The following TLR6 variants were observed in gnomAD, a reference collection of about 807,000 sequenced individuals.
TLR6 encodes toll-like receptor 6.
A neutral mutation model predicts 16.1 loss-of-function variants in TLR6; 9 were observed. The ratio of observed to expected loss-of-function variants is 0.56; its 90% CI spans 0.34 to 0.98. The LOEUF (loss-of-function observed/expected upper bound fraction) is 0.98. Among genes scored for constraint, TLR6 ranks in the 50% least tolerant of loss-of-function variants. The probability of loss-of-function intolerance (pLI) is 0.02; values close to 1 mark genes in which losing one functional copy is unlikely to be tolerated. For missense variants in TLR6, 786 were observed against 921.0 expected (o/e 0.85, Z 1.90); for synonymous variants, 340 against 338.6 (o/e 1.00, Z -0.04).
intron 1 of TLR6, among the ~76,000 whole-genome samples, chr4:38,841,381 T>G (rs945207685): frequency 6.6e-6 from 1 of 152,138 alleles, no homozygotes; most frequent in Non-Finnish European, 1.5e-5. Flanking sequence ...GCTTGAGCTC[T>G]GGGGTTTGAG....
intron 1 of TLR6, among the ~76,000 whole-genome samples, chr4:38,841,775 G>A (rs549641797): frequency 1.3e-5 from 2 of 152,252 alleles, no homozygotes; most frequent in South Asian, 2.1e-4. Context: ...CAGCAGTTAC[G>A]TAAGCCATTT....
chr4:38,836,939 C>CAAA (rs61331167), intron 1 of TLR6, among the ~76,000 whole-genome samples: 2 of 92,614 alleles, frequency 2.2e-5, no homozygotes, highest in South Asian at 3.2e-4. Flanking sequence ...GACTCAGTCT[C>CAAA]AAAAAAAAAA....
At chr4:38,864,608 A>C in the TLR6 span, among the ~76,000 whole-genome samples, 1 of 152,258 alleles carries the variant, frequency 6.6e-6, no homozygotes, top group African/African-American at 2.4e-5. Flanking sequence ...ATTCTCAAAA[A>C]TATAATGCAA....
At chr4:38,854,789 G>A (rs1314024981) in intron 1 of TLR6, among the ~76,000 whole-genome samples, 1 of 152,124 alleles carries the variant, frequency 6.6e-6, no homozygotes, top group Non-Finnish European at 1.5e-5. Context: ...GGATACTCAT[G>A]ACATAATGAA....
At chr4:38,863,820 C>A in the TLR6 span, among the ~76,000 whole-genome samples, 1 of 152,188 alleles carries the variant, frequency 6.6e-6, no homozygotes, top group Non-Finnish European at 1.5e-5. Flanking sequence ...TCCCCTCCCA[C>A]CTTCACCCAA....
chr4:38,845,556 C>T (rs1712488970), intron 1 of TLR6, among the ~76,000 whole-genome samples: 1 of 152,168 alleles, frequency 6.6e-6, no homozygotes, highest in South Asian at 2.1e-4. Flanking sequence ...TCCTTGCTGG[C>T]CCTGAAGATA....
At chr4:38,858,983 G>T (rs746487312), upstream of TLR6, among the ~76,000 whole-genome samples, 1 of 152,204 alleles carries the variant, frequency 6.6e-6, no homozygotes, top group Admixed American at 6.5e-5. Flanking sequence ...CATTTACACA[G>T]GTTATCTTCT....
chr4:38,838,941 G>A (rs1408032983), intron 1 of TLR6, among the ~76,000 whole-genome samples: 16 of 131,582 alleles, frequency 1.2e-4, no homozygotes, highest in Admixed American at 1.1e-3. Flanking sequence ...AGGAAGGAAG[G>A]AAGGGAGGAA....
At chr4:38,842,025 T>G (rs1478188538) in intron 1 of TLR6, among the ~76,000 whole-genome samples, 1 of 152,184 alleles carries the variant, frequency 6.6e-6, no homozygotes, top group Non-Finnish European at 1.5e-5. Context: ...ATTTTCAGGA[T>G]TTTGATCTTC....
chr4:38,862,695 A>G, the TLR6 span, among the ~76,000 whole-genome samples: 50 of 145,770 alleles, frequency 3.4e-4, no homozygotes, highest in Admixed American at 2.3e-3. Context: ...TCCCAGGTTC[A>G]AGCAATTCTC....
chr4:38,840,837 A>G (rs1712224412), intron 1 of TLR6, among the ~76,000 whole-genome samples: 1 of 152,218 alleles, frequency 6.6e-6, no homozygotes, highest in African/African-American at 2.4e-5. Context: ...GCAGAGAAGC[A>G]TTTCCAAACA....
chr4:38,862,860 G>C, the TLR6 span, among the ~76,000 whole-genome samples: 1 of 143,948 alleles, frequency 6.9e-6, no homozygotes, highest in South Asian at 2.2e-4. Flanking sequence ...CTCCCAAAGT[G>C]CTAGGATTAC....
intron 1 of TLR6, among the ~76,000 whole-genome samples, chr4:38,855,458 T>G (rs2087465): frequency 0.24 from 36,891 of 152,102 alleles, 5,004 homozygotes; most frequent in Non-Finnish European, 0.28. Context: ...CGTAAGGCAA[T>G]TTAAGAGTTG....
chr4:38,853,384 A>AT (rs1289651769), intron 1 of TLR6, among the ~76,000 whole-genome samples: 3 of 150,532 alleles, frequency 2.0e-5, no homozygotes, highest in Non-Finnish European at 3.0e-5. Flanking sequence ...TATAATAATA[A>AT]AAAAAAAAGA....
chr4:38,825,840 G>T (rs532119686), exon 2 of TLR6: 1 of 152,516 alleles, frequency 6.6e-6, no homozygotes, highest in South Asian at 2.1e-4. Context: ...GGGAGGGCAG[G>T]TTGCTATCAG....
At chr4:38,837,734 G>T (rs1247840966) in intron 1 of TLR6, among the ~76,000 whole-genome samples, 1 of 152,082 alleles carries the variant, frequency 6.6e-6, no homozygotes, top group Non-Finnish European at 1.5e-5. Flanking sequence ...ATGAAAATAT[G>T]AATAGACAAA....
At chr4:38,829,033 T>C (rs1439669542) in exon 2 of TLR6, 2 of 1,614,164 alleles carry the variant, frequency 1.2e-6, no homozygotes, top group East Asian at 2.2e-5. Context: ...AGAAATTCAG[T>C]TGTGATAAGT....
chr4:38,825,899 C>T (rs5743828), exon 2 of TLR6: 30,831 of 152,452 alleles, frequency 0.2, 3,994 homozygotes, highest in Non-Finnish European at 0.28. Flanking sequence ...GCCAACCTTT[C>T]ACCTCCTGAA....
intron 1 of TLR6, among the ~76,000 whole-genome samples, chr4:38,832,289 A>C (rs1711648628): frequency 6.6e-6 from 1 of 152,188 alleles, no homozygotes; most frequent in Non-Finnish European, 1.5e-5. Flanking sequence ...CTAAGAGAGA[A>C]CACTGGAATT....
Sources: allele counts gnomAD v4.1 joint callset (sites outside exome capture counted in the v4.1 genomes callset), GRCh38; gene constraint gnomAD v4.1.1; transcripts MANE v1.5; gene names NCBI Gene and HGNC (gene_info 2026-07-23, HGNC 2026-07-21).